The following RIN2 variants were observed in gnomAD, a reference collection of about 807,000 sequenced individuals.
The protein encoded by RIN2 is Ras and Rab interactor 2.
Under a neutral mutation model 78.0 loss-of-function variants are expected in RIN2, and 36 were observed. That is an observed-to-expected ratio of 0.46 (90% CI 0.35 to 0.61). RIN2 has a LOEUF of 0.61. Among genes scored for constraint, RIN2 ranks in the 20% least tolerant of loss-of-function variants. The probability of loss-of-function intolerance (pLI) is 0.00; values close to 1 mark genes in which losing one functional copy is unlikely to be tolerated. For synonymous variants in RIN2, 466 were observed against 466.8 expected, an observed-to-expected ratio of 1.00 and a Z score of 0.02; for missense variants, 1,087 against 1,159.7, an observed-to-expected ratio of 0.94 and a Z score of 0.91.
rs1276297500 is a variant in RIN2 at position 19,889,558 on chromosome 20, A to G, written c.-36-8A>G. On this transcript the variant is annotated splice_polypyrimidine_tract_variant and splice_region_variant and intron_variant, in intron 2 of 12. Coordinates refer to ENST00000255006, the MANE Select transcript of RIN2 (RefSeq NM_018993.4). ...TGGACTAACCATTAAAAATGTCTCT[A>G]CCTTCAGGAGTCCCCGGCGTGCAGT... is the stretch of plus-strand genomic sequence containing the variant. 1 of 1,547,228 alleles carries G rather than the reference A, an allele frequency of 6.5e-7. No homozygotes were observed. Among genetic ancestry groups the G allele is most frequent in the Non-Finnish European group, 8.7e-7 (1 of 1,144,438 alleles).
At chr20:19,886,784 C>T (rs759096375) in intron 2 of RIN2, 4 of 1,517,522 alleles carry the variant, frequency 2.6e-6, no homozygotes, top group Non-Finnish European at 3.6e-6. Flanking sequence ...AACTACGGTA[C>T]CCTTTTTGTT....
In RIN2 at chr20:19,806,978, C is replaced by A. The variant is rs567501211; in HGVS notation, c.-37+7231C>A. ...ATCTAGGTTGGGCTCAGCTAGGTGA[C>A]GCTGCTTCCTGCACAGGTTCAGCTA... On this transcript the variant is annotated intron_variant, in intron 2 of 12. Transcript: ENST00000255006. Among the ~76,000 whole-genome samples, 27 of 152,308 alleles carry A rather than the reference C, an allele frequency of 1.8e-4. No homozygotes were observed. In the South Asian group the frequency reaches 2.9e-3, roughly 16 times the overall value.
intron 6 of RIN2, among the ~76,000 whole-genome samples, chr20:19,964,574 C>T (rs1463031771): frequency 1.3e-5 from 2 of 152,108 alleles, no homozygotes; most frequent in African/African-American, 2.4e-5. Context: ...GTCAAGGGAT[C>T]GAGGGGAGTA....
intron 11 of RIN2, among the ~76,000 whole-genome samples, chr20:19,995,582 C>T (rs1365605638): frequency 6.6e-6 from 1 of 152,040 alleles, no homozygotes; most frequent in Admixed American, 6.6e-5. Context: ...TTTTACACTC[C>T]TCAAGAACAT....
At chr20:19,798,326 A>C (rs1361735913) in intron 1 of RIN2, among the ~76,000 whole-genome samples, 1 of 152,020 alleles carries the variant, frequency 6.6e-6, no homozygotes, top group Non-Finnish European at 1.5e-5. Flanking sequence ...GGAAGAGGAG[A>C]GGGACAGGGA....
chr20:19,845,323 T>C (rs2036745475), intron 2 of RIN2, among the ~76,000 whole-genome samples: 1 of 152,232 alleles, frequency 6.6e-6, no homozygotes. Flanking sequence ...TCTTCCACGA[T>C]GGTTGAACTA....
intron 1 of RIN2, among the ~76,000 whole-genome samples, chr20:19,771,442 C>G (rs1034150256): frequency 1.3e-5 from 2 of 152,214 alleles, no homozygotes; most frequent in Admixed American, 6.5e-5. Context: ...CTTGCCTGGT[C>G]TCTCTCAGGG....
intron 1 of RIN2, among the ~76,000 whole-genome samples, chr20:19,759,176 T>C (rs912585272): frequency 1.3e-5 from 2 of 152,208 alleles, no homozygotes; most frequent in African/African-American, 4.8e-5. Context: ...CTATGATATG[T>C]TGCCAAGAAA....
chr20:19,973,144 A>G (rs1568683476), intron 8 of RIN2, among the ~76,000 whole-genome samples: 1 of 152,236 alleles, frequency 6.6e-6, no homozygotes, highest in African/African-American at 2.4e-5. Context: ...TCTCATAACC[A>G]AGTTCCAAAG....
intron 3 of RIN2, among the ~76,000 whole-genome samples, chr20:19,904,696 A>G (rs1000002412): frequency 2.0e-5 from 3 of 152,208 alleles, no homozygotes; most frequent in African/African-American, 7.2e-5. Context: ...CCAGGTGAAC[A>G]CTGGGATTCC....
At chr20:19,987,907 A>T (rs1048728610) in intron 9 of RIN2, among the ~76,000 whole-genome samples, 3 of 152,330 alleles carry the variant, frequency 2.0e-5, no homozygotes, top group African/African-American at 4.8e-5. Flanking sequence ...GGAGAAAGAA[A>T]AAAACAACTT....
At position 19,935,333 on chromosome 20, in the gene RIN2, C is replaced by T. The variant is rs1239662671; in HGVS notation, c.158+134C>T. 4 of 1,248,832 alleles carry T rather than the reference C, an allele frequency of 3.2e-6. No individual in the cohort carries two copies. In the African/African-American group the frequency reaches 6.1e-5, roughly 19 times the overall value. The allele number at this position is 1,248,832 out of a possible 1,614,324, so 77.4% of individuals were successfully genotyped here. ...TGTGGTAGCAGCTCTAGATGAAATC[C>T]TCTGTAGGAGGTGGGAGTGGCCTAG... On this transcript the variant is annotated intron_variant, in intron 4 of 12. Transcript: ENST00000255006.
intron 5 of RIN2, among the ~76,000 whole-genome samples, chr20:19,957,901 G>A (rs553779131): frequency 3.2e-4 from 49 of 152,308 alleles, no homozygotes; most frequent in Non-Finnish European, 6.8e-4. Context: ...TATAGTGGAC[G>A]GCATTTGTGT....
intron 3 of RIN2, 131 bp from the exon 4 acceptor site, chr20:19,934,968 A>T (rs538592462): frequency 1.8e-4 from 26 of 147,292 alleles, no homozygotes; most frequent in African/African-American, 6.4e-4. Flanking sequence ...AGCCAAGATT[A>T]AAAAAAAAAA....
At chr20:19,818,483 C>A (rs1389048425) in intron 2 of RIN2, among the ~76,000 whole-genome samples, 1 of 152,100 alleles carries the variant, frequency 6.6e-6, no homozygotes, top group Non-Finnish European at 1.5e-5. Flanking sequence ...TGGGCATGCC[C>A]AGCACTTTGG....
intron 3 of RIN2, among the ~76,000 whole-genome samples, chr20:19,894,442 T>C (rs2038626808): frequency 6.6e-6 from 1 of 152,190 alleles, no homozygotes; most frequent in African/African-American, 2.4e-5. Flanking sequence ...AAAATAGAGA[T>C]GGATTCTCTG....
intron 1 of RIN2, among the ~76,000 whole-genome samples, chr20:19,795,171 G>C (rs914930567): frequency 6.6e-6 from 1 of 152,132 alleles, no homozygotes; most frequent in Non-Finnish European, 1.5e-5. Flanking sequence ...ACCCGGACTC[G>C]CAGGGAAGTC....
At position 19,943,847 on chromosome 20, in the gene RIN2, A is replaced by G. The variant is rs149715246; in HGVS notation, c.158+8648A>G. On this transcript the variant is annotated intron_variant, in intron 4 of 12. Coordinates refer to ENST00000255006, the MANE Select transcript of RIN2 (RefSeq NM_018993.4). ...AAAGGTTTCTTCTGCTCACCTGGCA[A>G]TTTCCATGCTGTCAACTGTGTTAGC... 1.8e-3 allele frequency among the ~76,000 whole-genome samples: 279 copies of G among 151,936 alleles called. 1 individual carries two copies. The highest frequency in any genetic ancestry group is 6.3e-3 in the African/African-American group (259 of 41,434).
intron 9 of RIN2, among the ~76,000 whole-genome samples, chr20:19,985,539 C>T (rs2042594219): frequency 1.3e-5 from 2 of 152,020 alleles, no homozygotes; most frequent in Admixed American, 6.6e-5. Context: ...GTGGTTCAAA[C>T]GATTTTTTAC....
Sources: allele counts gnomAD v4.1 joint callset (sites outside exome capture counted in the v4.1 genomes callset), GRCh38; gene constraint gnomAD v4.1.1; transcripts MANE v1.5; gene names NCBI Gene and HGNC (gene_info 2026-07-23, HGNC 2026-07-21).